AKAP12: variants seen among roughly 807,000 people sequenced by gnomAD.
AKAP12 encodes A-kinase anchor protein 12.
AKAP12 carries 32 observed loss-of-function variants against 79.9 expected under a neutral mutation model. The observed-to-expected ratio is 0.40, with a 90% CI of 0.30 to 0.54. AKAP12 has a LOEUF of 0.54. Ranked by LOEUF, AKAP12 falls within the 20% of genes least tolerant of loss-of-function variation. The probability of loss-of-function intolerance (pLI) is 0.48; values close to 1 mark genes in which losing one functional copy is unlikely to be tolerated. For missense variants in AKAP12, 2,074 were observed against 2,177.0 expected (o/e 0.95, Z 0.94); for synonymous variants, 808 against 857.0 (o/e 0.94, Z 1.00).
intron 3 of AKAP12, chr6:151,324,434 T>A (rs2248861): frequency 1.0e-6 from 1 of 985,098 alleles, no homozygotes; most frequent in African/African-American, 1.7e-5. Flanking sequence ...GCCCAAAAAG[T>A]GCAACTACGT....
At chr6:151,299,678 C>T (rs1441753337) in intron 2 of AKAP12, among the ~76,000 whole-genome samples, 2 of 152,130 alleles carry the variant, frequency 1.3e-5, no homozygotes, top group Non-Finnish European at 2.9e-5. Context: ...TCTAAATCTA[C>T]CTCATAGCTT....
Position 151,355,866 on chromosome 6 carries a change from G to A in AKAP12, c.*152G>A, listed in dbSNP as rs1467142955. ...GGCACATCAACTGATCTCATTTCTA[G>A]AGAGCCCCTGACAATCCTGAGGCTT... On this transcript the variant is annotated 3_prime_UTR_variant, in exon 5 of 5. Transcript: ENST00000402676. 1 of 152,604 alleles carries A rather than the reference G, an allele frequency of 6.6e-6. No individual in the cohort carries two copies. Among genetic ancestry groups the A allele is most frequent in the African/African-American group, 2.4e-5 (1 of 41,454 alleles). 9.5% of individuals were successfully genotyped at this position (152,604 alleles called of 1,614,324 possible). A position where few individuals can be genotyped will look rare whatever the true frequency, so the allele number is the denominator to read the frequency against.
At chr6:151,252,102 A>G (rs1562706817) in intron 2 of AKAP12, among the ~76,000 whole-genome samples, 1 of 152,208 alleles carries the variant, frequency 6.6e-6, no homozygotes, top group Non-Finnish European at 1.5e-5. Context: ...TTTCTCTAAT[A>G]GTGGTCTGCG....
intron 3 of AKAP12, among the ~76,000 whole-genome samples, chr6:151,340,737 G>A (rs34041188): frequency 0.072 from 10,990 of 151,854 alleles, 395 homozygotes; most frequent in Middle Eastern, 0.22. Flanking sequence ...CCATGCCTTG[G>A]CCATTGCCAG....
chr6:151,248,982 G>A (rs1027342753), intron 2 of AKAP12, among the ~76,000 whole-genome samples: 4 of 150,956 alleles, frequency 2.6e-5, no homozygotes, highest in African/African-American at 9.8e-5. Context: ...GCAAGACTCT[G>A]TCTCAAAAAA....
In AKAP12 at chr6:151,342,376, A is replaced by G. The variant is rs139039933; in HGVS notation, c.320-6335A>G. On this transcript the variant is annotated intron_variant, in intron 3 of 4. Transcript: ENST00000402676. ...GGATCTCAACAGCGCGGGTACAGATATAGGTACCTGCCAGACTAGGTAGGT... is the reference window on the plus strand; with the variant it reads ...GGATCTCAACAGCGCGGGTACAGATGTAGGTACCTGCCAGACTAGGTAGGT... Among the ~76,000 whole-genome samples, 310 of 152,336 alleles carry G rather than the reference A, an allele frequency of 2.0e-3. 2 individuals are homozygous for G. Among genetic ancestry groups the G allele is most frequent in the African/African-American group, 6.6e-3 (273 of 41,588 alleles).
chr6:151,261,307 G>A (rs1365158474), intron 2 of AKAP12, among the ~76,000 whole-genome samples: 2 of 151,928 alleles, frequency 1.3e-5, no homozygotes, highest in African/African-American at 2.4e-5. Context: ...GGAGGCAGAG[G>A]TTGCAGTGAT....
chr6:151,325,426 G>A (rs1777497933), intron 3 of AKAP12: 2 of 985,316 alleles, frequency 2.0e-6, no homozygotes, highest in Non-Finnish European at 1.2e-6. Flanking sequence ...TCGAACTCAT[G>A]CCCAGCACCC....
chr6:151,331,078 C>G (rs535428769), intron 3 of AKAP12, among the ~76,000 whole-genome samples: 3 of 152,322 alleles, frequency 2.0e-5, no homozygotes, highest in African/African-American at 7.2e-5. Context: ...AGGTTAATAG[C>G]AGGTAACAAC....
chr6:151,305,264 A>G (rs1328193523), intron 2 of AKAP12, among the ~76,000 whole-genome samples: 2 of 151,194 alleles, frequency 1.3e-5, no homozygotes, highest in African/African-American at 4.9e-5. Context: ...GACAGTTTCC[A>G]CAGCTGCAGT....
chr6:151,324,281 G>C, intron 3 of AKAP12: 4 of 985,402 alleles, frequency 4.1e-6, no homozygotes, highest in Non-Finnish European at 4.8e-6. Context: ...CCGCCAGGCC[G>C]GGTATTTGCC....
chr6:151,293,582 GGACTA>G (rs1776663720), intron 2 of AKAP12, among the ~76,000 whole-genome samples: 1 of 152,152 alleles, frequency 6.6e-6, no homozygotes, highest in Non-Finnish European at 1.5e-5. Flanking sequence ...TCATGACACT[GGACTA>G]TAAAGCTGTA....
chr6:151,313,858 C>A (rs530380926), intron 3 of AKAP12, among the ~76,000 whole-genome samples: 1 of 152,002 alleles, frequency 6.6e-6, no homozygotes, highest in South Asian at 2.1e-4. Context: ...AATGAGCATC[C>A]CCACCCATCT....
intron 2 of AKAP12, among the ~76,000 whole-genome samples, chr6:151,291,779 A>G (rs1776627988): frequency 6.6e-6 from 1 of 152,246 alleles, no homozygotes. Flanking sequence ...TGGATGCCAC[A>G]GTGTATAGGA....
intron 2 of AKAP12, among the ~76,000 whole-genome samples, chr6:151,289,205 C>G (rs1005368145): frequency 1.3e-5 from 2 of 152,204 alleles, no homozygotes; most frequent in African/African-American, 4.8e-5. Flanking sequence ...CTGCCCTTCT[C>G]CGACAGAACC....
chr6:151,355,164 G>A (rs1324503502), intron 4 of AKAP12, among the ~76,000 whole-genome samples: 1 of 147,606 alleles, frequency 6.8e-6, no homozygotes, highest in African/African-American at 2.5e-5. Flanking sequence ...GCCCAGCTTA[G>A]TTTTGTATTT....
chr6:151,262,831 C>T (rs931735783), intron 2 of AKAP12, among the ~76,000 whole-genome samples: 6 of 152,106 alleles, frequency 3.9e-5, no homozygotes, highest in Non-Finnish European at 7.4e-5. Flanking sequence ...GACTGTTTCA[C>T]CAGTGAAGAC....
chr6:151,318,595 C>T (rs1263067795), intron 3 of AKAP12, among the ~76,000 whole-genome samples: 3 of 152,108 alleles, frequency 2.0e-5, no homozygotes, highest in African/African-American at 7.2e-5. Flanking sequence ...CACGTGAATC[C>T]GTTTCCATTC....
At chr6:151,312,454 C>T (rs564190831) in intron 3 of AKAP12, among the ~76,000 whole-genome samples, 56 of 151,610 alleles carry the variant, frequency 3.7e-4, no homozygotes, top group Non-Finnish European at 6.6e-4. Context: ...CCAGCCTGGG[C>T]AACAGATTGA....
Sources: allele counts gnomAD v4.1 joint callset (sites outside exome capture counted in the v4.1 genomes callset), GRCh38; gene constraint gnomAD v4.1.1; transcripts MANE v1.5; gene names NCBI Gene and HGNC (gene_info 2026-07-23, HGNC 2026-07-21).